The following AK5 variants were observed in gnomAD, a reference collection of about 807,000 sequenced individuals.
AK5 encodes adenylate kinase isoenzyme 5.
Under a neutral mutation model 69.5 loss-of-function variants are expected in AK5, and 27 were observed. The ratio of observed to expected loss-of-function variants is 0.39; its 90% CI spans 0.29 to 0.54. AK5 has a LOEUF of 0.54. Among genes scored for constraint, AK5 ranks in the 20% least tolerant of loss-of-function variants. AK5 has a pLI of 0.71. For missense variants in AK5, 531 were observed against 700.4 expected (o/e 0.76, Z 2.73); for synonymous variants, 260 against 244.4 (o/e 1.06, Z -0.60).
chr1:77,429,994 T>C (rs1400015781), intron 8 of AK5, among the ~76,000 whole-genome samples: 2 of 152,062 alleles, frequency 1.3e-5, no homozygotes, highest in Admixed American at 1.3e-4. Flanking sequence ...CTAAGAGCAA[T>C]GGGGAACCTT....
Position 77,310,542 on chromosome 1 carries a change from G to A in AK5, c.699+12595G>A, listed in dbSNP as rs573513543. Among the ~76,000 whole-genome samples, 3 of 151,994 alleles carry A rather than the reference G, an allele frequency of 2.0e-5. No homozygotes were observed. In the South Asian group the frequency reaches 6.3e-4, roughly 32 times the overall value. On this transcript the variant is annotated intron_variant, in intron 5 of 13. Coordinates refer to ENST00000354567, the MANE Select transcript of AK5 (RefSeq NM_174858.3). ...CTACAGGCACTCGCAACCACGCCCG[G>A]CTAATTTTTTTTGTATTTTTAGTAG...
At chr1:77,482,701 G>A (rs576150691) in intron 8 of AK5, among the ~76,000 whole-genome samples, 16 of 151,844 alleles carry the variant, frequency 1.1e-4, no homozygotes, top group African/African-American at 3.9e-4. Flanking sequence ...AACCCGGGAG[G>A]TGGAGGTTGC....
intron 1 of AK5, 82 bp downstream of exon 1, chr1:77,282,455 C>G: frequency 6.8e-7 from 1 of 1,472,948 alleles, no homozygotes; most frequent in Non-Finnish European, 9.1e-7. Flanking sequence ...GCGCCCCGTC[C>G]CACCTTCCCC....
chr1:77,544,936 A>G (rs1284404553), intron 13 of AK5, among the ~76,000 whole-genome samples: 1 of 152,176 alleles, frequency 6.6e-6, no homozygotes, highest in Non-Finnish European at 1.5e-5. Flanking sequence ...AGCACAGTGG[A>G]TTTCTTTACA....
intron 5 of AK5, among the ~76,000 whole-genome samples, chr1:77,328,537 T>C (rs966303984): frequency 6.6e-6 from 1 of 151,920 alleles, no homozygotes; most frequent in African/African-American, 2.4e-5. Flanking sequence ...TTCCTCTTTA[T>C]TAAAGTCCTA....
chr1:77,297,106 A>G (rs1035903518), intron 3 of AK5, among the ~76,000 whole-genome samples: 4 of 152,206 alleles, frequency 2.6e-5, no homozygotes, highest in Admixed American at 1.3e-4. Flanking sequence ...AAATACTGGT[A>G]GGCGTTTGTC....
chr1:77,393,851 G>T (rs1648646562), intron 6 of AK5, among the ~76,000 whole-genome samples: 1 of 152,168 alleles, frequency 6.6e-6, no homozygotes, highest in Non-Finnish European at 1.5e-5. Flanking sequence ...GTGACCTGTG[G>T]TCAAAGAGAA....
At chr1:77,466,709 C>T (rs543789735) in intron 8 of AK5, among the ~76,000 whole-genome samples, 15 of 152,340 alleles carry the variant, frequency 9.8e-5, no homozygotes, top group African/African-American at 2.4e-4. Flanking sequence ...CTGTTTGCTA[C>T]GTCCTCACAT....
intron 6 of AK5, among the ~76,000 whole-genome samples, chr1:77,374,013 A>G (rs769531713): frequency 9.9e-5 from 15 of 152,224 alleles, no homozygotes; most frequent in Non-Finnish European, 1.6e-4. Flanking sequence ...TAAAATACAT[A>G]TATAGAGTAA....
intron 8 of AK5, among the ~76,000 whole-genome samples, chr1:77,418,184 A>G (rs1249353101): frequency 2.0e-5 from 3 of 152,192 alleles, no homozygotes; most frequent in Non-Finnish European, 4.4e-5. Context: ...GTTTCACATG[A>G]CTGGGGAGAC....
At chr1:77,380,433 C>T (rs1647550536) in intron 6 of AK5, among the ~76,000 whole-genome samples, 1 of 152,172 alleles carries the variant, frequency 6.6e-6, no homozygotes, top group Non-Finnish European at 1.5e-5. Flanking sequence ...GCATTTCCAA[C>T]CAGTTGCACT....
intron 13 of AK5, among the ~76,000 whole-genome samples, chr1:77,545,333 TG>T (rs1659486795): frequency 6.6e-6 from 1 of 152,046 alleles, no homozygotes; most frequent in Non-Finnish European, 1.5e-5. Flanking sequence ...ACAACCATGG[TG>T]GGGGAGGGCT....
intron 6 of AK5, among the ~76,000 whole-genome samples, chr1:77,364,678 T>C (rs1646921122): frequency 6.6e-6 from 1 of 152,230 alleles, no homozygotes; most frequent in Non-Finnish European, 1.5e-5. Context: ...CAGTTCCATC[T>C]GTATTGCTGC....
chr1:77,282,302 C>T lies in AK5; in HGVS notation c.-12C>T. 1.9e-6 allele frequency: 3 copies of T among 1,548,468 alleles called. No homozygotes were observed. The highest frequency in any genetic ancestry group is 1.2e-5 in the South Asian group (1 of 82,184). ...CTCCCCGCTTGCGCCCCAAGGCACG[C>T]GCGGCACAGCCATGAACACCAACGA... On this transcript the variant is annotated 5_prime_UTR_variant, in exon 1 of 14. Coordinates refer to ENST00000354567, the MANE Select transcript of AK5 (RefSeq NM_174858.3).
intron 10 of AK5, among the ~76,000 whole-genome samples, chr1:77,503,117 A>G (rs904535583): frequency 6.6e-6 from 1 of 152,210 alleles, no homozygotes; most frequent in Admixed American, 6.5e-5. Flanking sequence ...TAGGCTCTAT[A>G]TCTAGTACAT....
At chr1:77,374,431 T>TC (rs1346143431) in intron 6 of AK5, among the ~76,000 whole-genome samples, 1 of 151,462 alleles carries the variant, frequency 6.6e-6, no homozygotes, top group Non-Finnish European at 1.5e-5. Flanking sequence ...TTTTTTTTTT[T>TC]TTTTTAAGAA....
At chr1:77,491,594 C>G (rs180914429) in intron 10 of AK5, among the ~76,000 whole-genome samples, 2 of 152,122 alleles carry the variant, frequency 1.3e-5, no homozygotes, top group Non-Finnish European at 2.9e-5. Flanking sequence ...CATGAGTCAC[C>G]GTGCTCAGCC....
chr1:77,304,787 T>C (rs1659546469), intron 5 of AK5, among the ~76,000 whole-genome samples: 1 of 152,244 alleles, frequency 6.6e-6, no homozygotes, highest in Non-Finnish European at 1.5e-5. Flanking sequence ...TAAACAGTCC[T>C]GCAACAAACA....
intron 8 of AK5, among the ~76,000 whole-genome samples, chr1:77,433,256 T>A (rs567492687): frequency 1.1e-5 from 1 of 92,090 alleles, no homozygotes; most frequent in South Asian, 5.4e-4. Flanking sequence ...TGTATTATAG[T>A]TTTTTTCTTT....
Sources: allele counts gnomAD v4.1 joint callset (sites outside exome capture counted in the v4.1 genomes callset), GRCh38; gene constraint gnomAD v4.1.1; transcripts MANE v1.5; gene names NCBI Gene and HGNC (gene_info 2026-07-23, HGNC 2026-07-21).